The following EXOC4 variants were observed in gnomAD, a reference collection of about 807,000 sequenced individuals.
EXOC4 encodes exocyst complex component 4, also known as SEC8-like 1.
EXOC4 carries 71 observed loss-of-function variants against 107.2 expected under a neutral mutation model. That is an observed-to-expected ratio of 0.66 (90% confidence interval 0.55 to 0.81). EXOC4 has a LOEUF of 0.81. Ranked by LOEUF, EXOC4 falls within the 30% of genes least tolerant of loss-of-function variation. The probability of loss-of-function intolerance (pLI) is 0.00; values close to 1 mark genes in which losing one functional copy is unlikely to be tolerated. For synonymous variants in EXOC4, 456 were observed against 441.2 expected, an observed-to-expected ratio of 1.03 and a Z score of -0.42; for missense variants, 1,108 against 1,189.6, an observed-to-expected ratio of 0.93 and a Z score of 1.01.
At chr7:133,654,874 C>T (rs556921189) in intron 10 of EXOC4, among the ~76,000 whole-genome samples, 1 of 152,198 alleles carries the variant, frequency 6.6e-6, no homozygotes. Flanking sequence ...TAGGCAGTTG[C>T]AACACAATGG....
intron 6 of EXOC4, among the ~76,000 whole-genome samples, chr7:133,364,603 A>C (rs975990839): frequency 1.3e-5 from 2 of 152,192 alleles, no homozygotes; most frequent in African/African-American, 4.8e-5. Flanking sequence ...GTGGTTATTA[A>C]ATTGGAATGT....
intron 17 of EXOC4, among the ~76,000 whole-genome samples, chr7:134,026,401 C>G (rs1048922443): frequency 6.6e-6 from 1 of 151,524 alleles, no homozygotes; most frequent in African/African-American, 2.4e-5. Context: ...AGGAATGCAG[C>G]ATTCTGATTT....
chr7:133,320,692 A>G (rs1170808788), intron 5 of EXOC4, among the ~76,000 whole-genome samples: 1 of 152,218 alleles, frequency 6.6e-6, no homozygotes, highest in African/African-American at 2.4e-5. Flanking sequence ...AGTTATCTTT[A>G]GGAGCAAGTG....
intron 11 of EXOC4, among the ~76,000 whole-genome samples, chr7:133,827,750 C>T (rs1295204403): frequency 6.6e-6 from 1 of 152,090 alleles, no homozygotes; most frequent in African/African-American, 2.4e-5. Flanking sequence ...ATCTGGGTTA[C>T]GAGGTCAGTT....
At position 133,966,987 on chromosome 7, in the gene EXOC4, C is replaced by T. The variant is rs150008890; in HGVS notation, c.2206+28918C>T. Among the ~76,000 whole-genome samples the T allele has an allele frequency of 2.0e-3, 303 of 152,246 alleles. 2 individuals carry two copies. The highest frequency in any genetic ancestry group is 6.9e-3 in the African/African-American group (287 of 41,538). On this transcript the variant is annotated intron_variant, in intron 14 of 17. Transcript: ENST00000253861. The stretch of plus-strand genomic sequence containing the variant: ...TTTTTTGGTGGTAGGCTATTAATTA[C>T]TGCCTCAATTTCAGAACTTGTTATA...
At chr7:134,019,275 T>C (rs1468145980) in intron 17 of EXOC4, among the ~76,000 whole-genome samples, 2 of 152,188 alleles carry the variant, frequency 1.3e-5, no homozygotes, top group Non-Finnish European at 2.9e-5. Context: ...ACAAATAGGT[T>C]ACCAAGAAAT....
intron 9 of EXOC4, among the ~76,000 whole-genome samples, chr7:133,567,289 A>G (rs1157979825): frequency 6.6e-6 from 1 of 152,054 alleles, no homozygotes; most frequent in Non-Finnish European, 1.5e-5. Context: ...TGTTTTACAC[A>G]GATGGTAACA....
chr7:133,758,825 C>A (rs570595809), intron 10 of EXOC4, among the ~76,000 whole-genome samples: 1 of 152,234 alleles, frequency 6.6e-6, no homozygotes, highest in Non-Finnish European at 1.5e-5. Flanking sequence ...AGCTCTTCCC[C>A]CTGCCCCCCA....
intron 9 of EXOC4, among the ~76,000 whole-genome samples, chr7:133,601,486 C>G (rs374499166): frequency 6.6e-6 from 1 of 152,086 alleles, no homozygotes; most frequent in African/African-American, 2.4e-5. Context: ...ATGCATCTGT[C>G]CCACCATTAT....
intron 12 of EXOC4, among the ~76,000 whole-genome samples, chr7:133,911,544 G>T (rs955976169): frequency 6.6e-6 from 1 of 152,052 alleles, no homozygotes; most frequent in Non-Finnish European, 1.5e-5. Context: ...TAATAAAATG[G>T]GATCGATGCA....
intron 11 of EXOC4, among the ~76,000 whole-genome samples, chr7:133,858,378 T>C (rs1210816397): frequency 6.6e-6 from 1 of 152,098 alleles, no homozygotes; most frequent in Non-Finnish European, 1.5e-5. Context: ...AAGTGTGTGC[T>C]GATTGGTTCA....
the EXOC4 span, among the ~76,000 whole-genome samples, chr7:134,084,462 C>T: frequency 6.6e-6 from 1 of 152,142 alleles, no homozygotes; most frequent in Non-Finnish European, 1.5e-5. Context: ...TGACTAGTGG[C>T]ACTGAGAAAC....
At chr7:133,668,092 C>G (rs538426944) in intron 10 of EXOC4, among the ~76,000 whole-genome samples, 3 of 152,238 alleles carry the variant, frequency 2.0e-5, no homozygotes, top group African/African-American at 7.2e-5. Context: ...TAAAGTGACT[C>G]AGTGTTAAAA....
chr7:134,042,852 C>T (rs1259978894), intron 17 of EXOC4, among the ~76,000 whole-genome samples: 1 of 152,228 alleles, frequency 6.6e-6, no homozygotes, highest in African/African-American at 2.4e-5. Flanking sequence ...GCCTGGCCAA[C>T]ATGGCAAAAC....
chr7:133,914,876 A>G (rs548418912), intron 12 of EXOC4, among the ~76,000 whole-genome samples: 2 of 152,360 alleles, frequency 1.3e-5, no homozygotes, highest in East Asian at 1.9e-4. Context: ...CTTGACATCT[A>G]CAAGAACTAC....
rs76272287 is a variant in EXOC4 at position 133,846,492 on chromosome 7, G to A, written c.1734+28948G>A. 5.2e-3 allele frequency among the ~76,000 whole-genome samples: 798 copies of A among 152,224 alleles called. 8 individuals carry two copies. The highest frequency in any genetic ancestry group is 0.018 in the African/African-American group (748 of 41,538). On this transcript the variant is annotated intron_variant, in intron 11 of 17. Coordinates refer to ENST00000253861, the MANE Select transcript of EXOC4 (RefSeq NM_021807.4). ...GGCGTTCATCCTGTAGTGTTCCTAC[G>A]GGTTTAGGGAGTCCCTTTCCAGTAC...
chr7:133,484,165 A>T lies in EXOC4; in HGVS notation c.1417+4027A>T. ...ACAATTAGAAATGTGACTCAGTCTA[A>T]CAACACCCAAGAGGATAAAAGGATT... On this transcript the variant is annotated intron_variant, in intron 9 of 17. Coordinates refer to ENST00000253861, the MANE Select transcript of EXOC4 (RefSeq NM_021807.4). 4.4e-6 allele frequency: 7 copies of T among 1,601,558 alleles called. No individual in the cohort carries two copies. The South Asian group carries it at 7.8e-5, about 18-fold the overall frequency.
chr7:134,023,294 G>A (rs1241862920), intron 17 of EXOC4, among the ~76,000 whole-genome samples: 1 of 152,074 alleles, frequency 6.6e-6, no homozygotes, highest in African/African-American at 2.4e-5. Flanking sequence ...CTGAGAATAA[G>A]CAAGAATATC....
At chr7:133,726,540 T>C (rs1795218863) in intron 10 of EXOC4, among the ~76,000 whole-genome samples, 2 of 152,232 alleles carry the variant, frequency 1.3e-5, no homozygotes, top group South Asian at 4.1e-4. Flanking sequence ...TATGACTGAG[T>C]TGAACTGCAA....
Sources: allele counts gnomAD v4.1 joint callset (sites outside exome capture counted in the v4.1 genomes callset), GRCh38; gene constraint gnomAD v4.1.1; transcripts MANE v1.5; gene names NCBI Gene and HGNC (gene_info 2026-07-23, HGNC 2026-07-21).